The following MAMDC2 variants were observed in gnomAD, a reference collection of about 807,000 sequenced individuals.
MAMDC2 encodes the protein MAM domain-containing protein 2.
A neutral mutation model predicts 89.8 loss-of-function variants in MAMDC2; 57 were observed. The observed-to-expected ratio is 0.63, with a 90% confidence interval of 0.51 to 0.79. The LOEUF (loss-of-function observed/expected upper bound fraction) is 0.79, where lower values mean the gene tolerates loss of function less well. Ranked by LOEUF, MAMDC2 falls within the 30% of genes least tolerant of loss-of-function variation. The pLI is 0.00. For missense variants in MAMDC2, 800 were observed against 820.6 expected, an observed-to-expected ratio of 0.97 and a Z score of 0.31; for synonymous variants, 313 against 293.4, an observed-to-expected ratio of 1.07 and a Z score of -0.68.
chr9:70,059,207 G>A (rs192397775), intron 2 of MAMDC2, among the ~76,000 whole-genome samples: 24 of 152,302 alleles, frequency 1.6e-4, no homozygotes, highest in Admixed American at 2.0e-4. Context: ...TCCTTCAACC[G>A]TGGGATAAAG....
intron 7 of MAMDC2, among the ~76,000 whole-genome samples, chr9:70,138,014 C>T (rs546616572): frequency 6.6e-6 from 1 of 152,284 alleles, no homozygotes; most frequent in African/African-American, 2.4e-5. Flanking sequence ...GCGTAACATA[C>T]ATTGTACCCA....
chr9:70,218,576 A>G lies in MAMDC2; in HGVS notation c.1891A>G (p.Ser631Gly). Reference sequence around the variant, plus strand: ...CTGGCTACGAGCACTGATTGAATACAGCTGTGAGAGGCAACACCAGGTAAG... The same window carrying G: ...CTGGCTACGAGCACTGATTGAATACGGCTGTGAGAGGCAACACCAGGTAAG... The part of the protein sequence containing the change: ...ISWLRALIEY[S>G]CERQHQIIFE... The change falls in exon 12 of 14, where the codon AGC (serine) becomes GGC (glycine). Residue 631 changes from serine to glycine, a missense_variant. Ser to Gly is a moderately conservative substitution (Grantham distance 56). Transcript: ENST00000377182. 5 of 1,609,590 alleles carry G rather than the reference A, an allele frequency of 3.1e-6. No homozygotes were observed. The highest frequency in any genetic ancestry group is 4.2e-6 in the Non-Finnish European group (5 of 1,176,594).
chr9:70,102,173 A>G (rs1828214490), intron 2 of MAMDC2, among the ~76,000 whole-genome samples: 1 of 152,174 alleles, frequency 6.6e-6, no homozygotes, highest in South Asian at 2.1e-4. Flanking sequence ...TATTGAATGT[A>G]TATGTAAAGT....
chr9:70,177,530 G>C (rs1431064903), intron 11 of MAMDC2, among the ~76,000 whole-genome samples: 1 of 152,124 alleles, frequency 6.6e-6, no homozygotes, highest in Non-Finnish European at 1.5e-5. Context: ...CAGATAAAGG[G>C]GGCACTACTA....
chr9:70,127,827 G>A (rs989037119), intron 6 of MAMDC2, among the ~76,000 whole-genome samples: 23 of 152,150 alleles, frequency 1.5e-4, no homozygotes, highest in Non-Finnish European at 7.3e-5. Flanking sequence ...TTACGAGGAG[G>A]AAAAGAAATG....
chr9:70,201,977 A>G lies in MAMDC2; in HGVS notation c.1652-16360A>G, dbSNP rs2033109756. Among the ~76,000 whole-genome samples the G allele has an allele frequency of 3.3e-5, 5 of 150,228 alleles. No individual in the cohort carries two copies. In the South Asian group the frequency reaches 1.1e-3, roughly 32 times the overall value. On this transcript the variant is annotated intron_variant, in intron 11 of 13. Transcript: ENST00000377182. ...TTATTAGTCTTGCTAGCGGTCTATC[A>G]ATTTTGTTGATCCTTTCAAAAAAGC...
At chr9:70,110,415 G>A in intron 4 of MAMDC2, among the ~76,000 whole-genome samples, 1 of 152,198 alleles carries the variant, frequency 6.6e-6, no homozygotes, top group East Asian at 1.9e-4. Flanking sequence ...GGGAGGAGGA[G>A]AGGAAATTGG....
chr9:70,109,618 C>A, intron 3 of MAMDC2, 102 bp from the exon 4 acceptor site: 2 of 890,782 alleles, frequency 2.2e-6, no homozygotes, highest in Non-Finnish European at 3.6e-6. Flanking sequence ...TCCTGTTTTG[C>A]CTTAAGTGGC....
At chr9:70,089,978 T>C (rs1827852703) in intron 2 of MAMDC2, among the ~76,000 whole-genome samples, 2 of 152,170 alleles carry the variant, frequency 1.3e-5, no homozygotes, top group South Asian at 4.1e-4. Context: ...TGCATTGAAA[T>C]GATTATGAAT....
chr9:70,139,233 T>C, intron 7 of MAMDC2, among the ~76,000 whole-genome samples: 1 of 146,020 alleles, frequency 6.8e-6, no homozygotes, highest in Non-Finnish European at 1.5e-5. Flanking sequence ...AACTCGTCAT[T>C]TAGCATTAGG....
chr9:70,051,063 T>C (rs759219772), intron 2 of MAMDC2, among the ~76,000 whole-genome samples: 2 of 152,206 alleles, frequency 1.3e-5, no homozygotes, highest in Non-Finnish European at 2.9e-5. Flanking sequence ...GTGCCTTCTA[T>C]GATCTCTCAT....
chr9:70,225,323 C>T (rs2033625156), intron 12 of MAMDC2, among the ~76,000 whole-genome samples: 1 of 151,954 alleles, frequency 6.6e-6, no homozygotes, highest in Non-Finnish European at 1.5e-5. Context: ...ATTTTTCCAC[C>T]TCGTAGCAGT....
rs1350633744 is a variant in MAMDC2 at position 70,096,027 on chromosome 9, T to C, written c.149-12184T>C. Among the ~76,000 whole-genome samples the C allele has an allele frequency of 2.0e-5, 3 of 152,090 alleles. No homozygotes were observed. The South Asian group carries it at 6.2e-4, about 32-fold the overall frequency. Reference sequence around the variant, plus strand: ...TTAAATTTAATTTAATTTAAGTTTTTTTTTTCTTTTTTTTGAGACACAATC... The same window carrying C: ...TTAAATTTAATTTAATTTAAGTTTTCTTTTTCTTTTTTTTGAGACACAATC... On this transcript the variant is annotated intron_variant, in intron 2 of 13. Coordinates refer to ENST00000377182, the MANE Select transcript of MAMDC2 (RefSeq NM_153267.5).
intron 7 of MAMDC2, among the ~76,000 whole-genome samples, chr9:70,136,932 C>T (rs2031034870): frequency 6.6e-6 from 1 of 152,118 alleles, no homozygotes; most frequent in Admixed American, 6.6e-5. Flanking sequence ...AAGATATACC[C>T]TGGTGCTGAC....
chr9:70,177,298 G>T lies in MAMDC2; in HGVS notation c.1651+6667G>T, dbSNP rs778896404. Reference sequence around the variant, plus strand: ...GACAGTCAGTCTGATAACAAAGATGGCTAAGTGACTCACAGGCAGAGAGTG... The same window carrying T: ...GACAGTCAGTCTGATAACAAAGATGTCTAAGTGACTCACAGGCAGAGAGTG... On this transcript the variant is annotated intron_variant, in intron 11 of 13. Coordinates refer to ENST00000377182, the MANE Select transcript of MAMDC2 (RefSeq NM_153267.5). Among the ~76,000 whole-genome samples, 32 of 152,264 alleles carry T rather than the reference G, an allele frequency of 2.1e-4. No homozygotes were observed. The Middle Eastern group carries it at 0.01, about 49-fold the overall frequency.
intron 2 of MAMDC2, among the ~76,000 whole-genome samples, chr9:70,046,230 C>G (rs1471777692): frequency 6.6e-6 from 1 of 152,166 alleles, no homozygotes; most frequent in Non-Finnish European, 1.5e-5. Context: ...TAACAAGTTC[C>G]CAGGTGATGC....
chr9:70,057,533 T>C (rs1827050575), intron 2 of MAMDC2, among the ~76,000 whole-genome samples: 1 of 152,230 alleles, frequency 6.6e-6, no homozygotes, highest in Admixed American at 6.5e-5. Flanking sequence ...AATTAACCCC[T>C]TTAATTTGTC....
chr9:70,182,310 A>C (rs2032661655), intron 11 of MAMDC2, among the ~76,000 whole-genome samples: 2 of 152,080 alleles, frequency 1.3e-5, no homozygotes, highest in African/African-American at 4.8e-5. Flanking sequence ...ATTGGCCTGA[A>C]ATTTTCTTTT....
At chr9:70,127,808 G>A (rs1305396716) in intron 6 of MAMDC2, among the ~76,000 whole-genome samples, 1 of 152,048 alleles carries the variant, frequency 6.6e-6, no homozygotes, top group Non-Finnish European at 1.5e-5. Flanking sequence ...AATTTTCTGT[G>A]AGTTTGGGTT....
Sources: gnomAD v4.1 joint callset for allele counts (sites outside exome capture counted in the v4.1 genomes callset) on GRCh38, gnomAD v4.1.1 for gene constraint, MANE v1.5 for transcripts, NCBI Gene and HGNC (gene_info 2026-07-23, HGNC 2026-07-21) for gene names.